RTN1: variants seen among roughly 807,000 people sequenced by gnomAD.
The protein encoded by RTN1 is reticulon-1.
In RTN1, 25 loss-of-function variants were observed where a neutral mutation model predicts 65.5. The ratio of observed to expected loss-of-function variants is 0.38; its 90% CI spans 0.28 to 0.53. The LOEUF (loss-of-function observed/expected upper bound fraction) is 0.53, where lower values mean the gene tolerates loss of function less well. Ranked by LOEUF, RTN1 falls within the 20% of genes least tolerant of loss-of-function variation. RTN1 has a pLI of 0.79. For synonymous variants in RTN1, 471 were observed against 447.6 expected (o/e 1.05, Z -0.66); for missense variants, 983 against 1,025.4 (o/e 0.96, Z 0.57).
rs370253256 is a variant in RTN1 at position 59,648,069 on chromosome 14, C to T, written c.1766-40577G>A. ...ACTAATAAAGAAGAAAAGACAGATC[C>T]AAATAAACACAATCAGAAATGACAA... is the stretch of plus-strand genomic sequence containing the variant. On this transcript the variant is annotated intron_variant, in intron 3 of 8. Transcript: ENST00000267484. 3.6e-4 allele frequency among the ~76,000 whole-genome samples: 55 copies of T among 152,182 alleles called. 2 individuals carry two copies. Among genetic ancestry groups the T allele is most frequent in the Admixed American group, 1.6e-3 (24 of 15,280 alleles).
intron 8 of RTN1, among the ~76,000 whole-genome samples, chr14:59,597,341 G>C (rs2140154502): frequency 6.6e-6 from 1 of 152,296 alleles, no homozygotes; most frequent in East Asian, 1.9e-4. Flanking sequence ...GCAAGCTAAG[G>C]GACTTTTCTG....
intron 3 of RTN1, among the ~76,000 whole-genome samples, chr14:59,692,755 C>A (rs1423762745): frequency 6.6e-6 from 1 of 152,158 alleles, no homozygotes; most frequent in Non-Finnish European, 1.5e-5. Context: ...AGAAATAAAA[C>A]TGCACACCTA....
intron 1 of RTN1, among the ~76,000 whole-genome samples, chr14:59,750,891 A>AT (rs1031740940): frequency 6.7e-6 from 1 of 148,598 alleles, no homozygotes; most frequent in African/African-American, 2.5e-5. Context: ...TTTTGTTTTC[A>AT]TTTTTTCATA....
intron 1 of RTN1, among the ~76,000 whole-genome samples, chr14:59,869,101 TC>T (rs1398317583): frequency 6.6e-6 from 1 of 152,160 alleles, no homozygotes; most frequent in Non-Finnish European, 1.5e-5. Flanking sequence ...CTTTTTCTCT[TC>T]CTTTCAGGAT....
chr14:59,870,690 G>A lies in RTN1; in HGVS notation c.-60C>T. 1 of 1,307,706 alleles carries A rather than the reference G, an allele frequency of 7.6e-7. No individual in the cohort carries two copies. Among genetic ancestry groups the A allele is most frequent in the Non-Finnish European group, 9.7e-7 (1 of 1,036,034 alleles). 81.0% of individuals were successfully genotyped at this position (1,307,706 alleles called of 1,614,324 possible). On this transcript the variant is annotated 5_prime_UTR_variant, in exon 1 of 9. Coordinates refer to ENST00000267484, the MANE Select transcript of RTN1 (RefSeq NM_021136.3). This position sits in a 1 kb window ranked among gnomAD's most constrained non-coding sequence, Gnocchi z 5.1. ...GGCTGGGCAGAGGCTCGGTGGCTGC[G>A]CGGGCGCTCCCTGCTGCTGTCCCCG...
chr14:59,605,757 G>A (rs948459271), intron 4 of RTN1: 14 of 344,724 alleles, frequency 4.1e-5, no homozygotes, highest in African/African-American at 2.1e-4. Flanking sequence ...ACACAGCATG[G>A]GTGGGCTGAA....
intron 1 of RTN1, among the ~76,000 whole-genome samples, chr14:59,749,218 A>C (rs866659175): frequency 9.4e-5 from 8 of 84,886 alleles, no homozygotes; most frequent in African/African-American, 6.3e-4. Flanking sequence ...ATCTATATAT[A>C]TCTATATATC....
chr14:59,852,182 AATGGCAC>A (rs1235293216), intron 1 of RTN1, among the ~76,000 whole-genome samples: 1 of 152,216 alleles, frequency 6.6e-6, no homozygotes. Context: ...TTCTACGTAT[AATGGCAC>A]ATAGGGGCTA....
rs1887416055 is a variant in RTN1 at position 59,846,624 on chromosome 14, T to C, written c.241+23766A>G. Among the ~76,000 whole-genome samples the C allele has an allele frequency of 6.6e-6, 1 of 152,038 alleles. No individual in the cohort carries two copies. The highest frequency in any genetic ancestry group is 2.1e-4 in the South Asian group (1 of 4,826). On this transcript the variant is annotated intron_variant, in intron 1 of 8. Coordinates refer to ENST00000267484, the MANE Select transcript of RTN1 (RefSeq NM_021136.3). The surrounding 1 kb of genome is among the most constrained non-coding windows in gnomAD (Gnocchi z 4.8). ...TAGCCTACACCCATGACACAGGGAG[T>C]TTATTTAAAGTTTCACATTTTAAAA...
At position 59,870,310 on chromosome 14, in the gene RTN1, C is replaced by A; in HGVS notation, c.241+80G>T. The A allele has an allele frequency of 7.5e-7, 1 of 1,334,080 alleles. No individual in the cohort carries two copies. Among genetic ancestry groups the A allele is most frequent in the Non-Finnish European group, 9.6e-7 (1 of 1,040,492 alleles). 82.6% of individuals were successfully genotyped at this position (1,334,080 alleles called of 1,614,324 possible). On this transcript the variant is annotated intron_variant, in intron 1 of 8. Transcript: ENST00000267484. The surrounding 1 kb of genome is among the most constrained non-coding windows in gnomAD (Gnocchi z 5.1). The stretch of plus-strand genomic sequence containing the variant: ...AGGCAGAAAGCGCGAGGCAGGTGCC[C>A]AGGAGAGCCGCGCAGAAGGGGACTG...
chr14:59,866,406 G>T (rs1887799723), intron 1 of RTN1, among the ~76,000 whole-genome samples: 1 of 152,132 alleles, frequency 6.6e-6, no homozygotes, highest in Non-Finnish European at 1.5e-5. Context: ...AAGTAAAAAA[G>T]AGATGGAGAG....
intron 3 of RTN1, among the ~76,000 whole-genome samples, chr14:59,681,002 T>A (rs1883734380): frequency 6.6e-6 from 1 of 152,072 alleles, no homozygotes; most frequent in Admixed American, 6.5e-5. Flanking sequence ...TATGTTGAAA[T>A]TTTGACAGTG....
chr14:59,770,023 G>C (rs531211364), intron 1 of RTN1, among the ~76,000 whole-genome samples: 2 of 152,074 alleles, frequency 1.3e-5, no homozygotes, highest in Non-Finnish European at 2.9e-5. Context: ...GGACTGTCAC[G>C]TATAGTTGAC....
At chr14:59,630,153 G>A (rs1882503774) in intron 3 of RTN1, among the ~76,000 whole-genome samples, 1 of 136,788 alleles carries the variant, frequency 7.3e-6, no homozygotes, top group African/African-American at 2.8e-5. Flanking sequence ...ACTGAATGAT[G>A]CACAGATCCC....
intron 3 of RTN1, among the ~76,000 whole-genome samples, chr14:59,642,890 T>A (rs1882809932): frequency 6.6e-6 from 1 of 152,200 alleles, no homozygotes; most frequent in Admixed American, 6.5e-5. Flanking sequence ...TATTAAAGAA[T>A]CACAAAGACT....
At position 59,803,385 on chromosome 14, in the gene RTN1, G is replaced by A. The variant is rs1886581790; in HGVS notation, c.242-56904C>T. ...TTCAGGAGGGGAACTAGTATCTCGG[G>A]GAATGAATGACCTACTTCCCTCAAA... On this transcript the variant is annotated intron_variant, in intron 1 of 8. Coordinates refer to ENST00000267484, the MANE Select transcript of RTN1 (RefSeq NM_021136.3). This position sits in a 1 kb window ranked among gnomAD's most constrained non-coding sequence, Gnocchi z 5.6. 6.6e-6 allele frequency among the ~76,000 whole-genome samples: 1 copy of A among 152,038 alleles called. No homozygotes were observed. Among genetic ancestry groups the A allele is most frequent in the Admixed American group, 6.6e-5 (1 of 15,252 alleles).
intron 8 of RTN1, among the ~76,000 whole-genome samples, chr14:59,599,434 G>T (rs985598212): frequency 1.3e-5 from 2 of 152,194 alleles, no homozygotes; most frequent in Non-Finnish European, 2.9e-5. Flanking sequence ...ACATAGTCAT[G>T]AGAAGTAATG....
Position 59,825,168 on chromosome 14 carries a change from G to A in RTN1, c.241+45222C>T, listed in dbSNP as rs199811440. On this transcript the variant is annotated intron_variant, in intron 1 of 8. Transcript: ENST00000267484. This position sits in a 1 kb window ranked among gnomAD's most constrained non-coding sequence, Gnocchi z 4.2. ...TGTAGAATCTTTACCAACATCCCTA[G>A]CCTCTACCGACTAGGTGCCAATAGC... Among the ~76,000 whole-genome samples the A allele has an allele frequency of 3.6e-4, 55 of 152,298 alleles. 1 individual carries two copies. The highest frequency in any genetic ancestry group is 3.3e-3 in the East Asian group (17 of 5,190).
At position 59,643,681 on chromosome 14, in the gene RTN1, CAG is replaced by C. The variant is rs1405391188; in HGVS notation, c.1766-36191_1766-36190del. On this transcript the variant is annotated intron_variant, in intron 3 of 8. Coordinates refer to ENST00000267484, the MANE Select transcript of RTN1 (RefSeq NM_021136.3). ...GATACACAATAAAAACAAAACTGAG[CAG>C]AGATATCAGCAGCTATATACCATGG... Among the ~76,000 whole-genome samples, 16 of 152,174 alleles carry C rather than the reference CAG, an allele frequency of 1.1e-4. No individual in the cohort carries two copies. The East Asian group carries it at 3.1e-3, about 29-fold the overall frequency.
Sources: allele counts gnomAD v4.1 joint callset (sites outside exome capture counted in the v4.1 genomes callset), GRCh38; gene constraint gnomAD v4.1.1; non-coding constraint Gnocchi (gnomAD v3.1); transcripts MANE v1.5; gene names NCBI Gene and HGNC (gene_info 2026-07-23, HGNC 2026-07-21).